The following RSRC1 variants were observed in gnomAD, a reference collection of about 807,000 sequenced individuals.
The protein encoded by RSRC1 is serine/Arginine-related protein 53.
Under a neutral mutation model 49.1 loss-of-function variants are expected in RSRC1, and 39 were observed. That is an observed-to-expected ratio of 0.79 (90% CI 0.61 to 1.04). The LOEUF (loss-of-function observed/expected upper bound fraction) is 1.04. RSRC1 is among the 50% of genes least tolerant of loss of function. The pLI is 0.00. For missense variants in RSRC1, 388 were observed against 402.4 expected, an observed-to-expected ratio of 0.96 and a Z score of 0.31; for synonymous variants, 143 against 130.8, an observed-to-expected ratio of 1.09 and a Z score of -0.63.
chr3:158,392,295 T>A (rs1306343987), intron 6 of RSRC1, among the ~76,000 whole-genome samples: 2 of 152,148 alleles, frequency 1.3e-5, no homozygotes, highest in African/African-American at 4.8e-5. Context: ...CTATTCTGTA[T>A]GTGCTAAAGA....
At chr3:158,487,946 CAAGAAA>C (rs1168599544) in intron 7 of RSRC1, among the ~76,000 whole-genome samples, 3 of 11,484 alleles carry the variant, frequency 2.6e-4, no homozygotes, top group South Asian at 4.3e-3. Context: ...GACTCCATCT[CAAGAAA>C]AAAAAAAAAA....
intron 6 of RSRC1, among the ~76,000 whole-genome samples, chr3:158,422,852 T>C (rs1413225059): frequency 2.6e-5 from 4 of 151,074 alleles, no homozygotes; most frequent in South Asian, 2.1e-4. Context: ...TTTCATGTGT[T>C]TTTTGGCTGC....
intron 5 of RSRC1, among the ~76,000 whole-genome samples, chr3:158,314,225 A>G (rs556000870): frequency 6.6e-6 from 1 of 152,108 alleles, no homozygotes; most frequent in Non-Finnish European, 1.5e-5. Flanking sequence ...TGAGTAGCTG[A>G]GATTACAGGT....
intron 7 of RSRC1, among the ~76,000 whole-genome samples, chr3:158,482,320 G>T (rs995893434): frequency 1.3e-5 from 2 of 152,004 alleles, no homozygotes; most frequent in African/African-American, 4.8e-5. Flanking sequence ...TTGCATTTAT[G>T]CATATTTTAA....
At chr3:158,388,856 G>T (rs113338360) in intron 6 of RSRC1, among the ~76,000 whole-genome samples, 27 of 152,098 alleles carry the variant, frequency 1.8e-4, no homozygotes, top group African/African-American at 6.5e-4. Context: ...TGATCCGCCC[G>T]CCTCGGCCTC....
At chr3:158,196,156 T>G (rs1720596830) in intron 3 of RSRC1, among the ~76,000 whole-genome samples, 1 of 121,452 alleles carries the variant, frequency 8.2e-6, no homozygotes, top group East Asian at 2.8e-4. Flanking sequence ...CATTTGTTTG[T>G]ATTCTCTTTT....
intron 4 of RSRC1, among the ~76,000 whole-genome samples, chr3:158,239,632 G>GT (rs1723453064): frequency 6.6e-6 from 1 of 152,028 alleles, no homozygotes; most frequent in Non-Finnish European, 1.5e-5. Flanking sequence ...TAAATGATGA[G>GT]TTAATGGGTA....
intron 1 of RSRC1, among the ~76,000 whole-genome samples, chr3:158,118,566 CAT>C (rs947402213): frequency 6.6e-6 from 1 of 152,120 alleles, no homozygotes; most frequent in African/African-American, 2.4e-5. Flanking sequence ...ATCATCCTGT[CAT>C]ATGCATCTGA....
intron 6 of RSRC1, among the ~76,000 whole-genome samples, chr3:158,452,375 T>C (rs2108391923): frequency 6.6e-6 from 1 of 152,302 alleles, no homozygotes; most frequent in Non-Finnish European, 1.5e-5. Context: ...CTCACACTGA[T>C]TTTTAAAACA....
At chr3:158,210,459 A>G (rs1369935155) in intron 4 of RSRC1, among the ~76,000 whole-genome samples, 2 of 149,404 alleles carry the variant, frequency 1.3e-5, no homozygotes, top group Admixed American at 6.7e-5. Flanking sequence ...CCTTTAACAC[A>G]TGTCATTATA....
intron 6 of RSRC1, among the ~76,000 whole-genome samples, chr3:158,398,514 G>T (rs1468292925): frequency 6.6e-6 from 1 of 152,062 alleles, no homozygotes; most frequent in African/African-American, 2.4e-5. Flanking sequence ...CATAAAGGTG[G>T]ATCCCTCATG....
intron 6 of RSRC1, among the ~76,000 whole-genome samples, chr3:158,392,305 A>G (rs1390819042): frequency 2.6e-5 from 4 of 152,110 alleles, no homozygotes; most frequent in Non-Finnish European, 5.9e-5. Flanking sequence ...TGTGCTAAAG[A>G]GTTATTAGAG....
chr3:158,141,752 A>G (rs1716761662), intron 3 of RSRC1, among the ~76,000 whole-genome samples: 2 of 152,180 alleles, frequency 1.3e-5, no homozygotes, highest in Admixed American at 1.3e-4. Context: ...TTTGTGAACC[A>G]TTATAGATTG....
intron 7 of RSRC1, among the ~76,000 whole-genome samples, chr3:158,507,599 A>G (rs1739917554): frequency 1.3e-5 from 2 of 152,198 alleles, no homozygotes; most frequent in Non-Finnish European, 2.9e-5. Context: ...AAAAAGCCTG[A>G]GTAGCAGCAT....
chr3:158,227,150 A>G (rs1048543954), intron 4 of RSRC1, among the ~76,000 whole-genome samples: 23 of 151,790 alleles, frequency 1.5e-4, no homozygotes, highest in Admixed American at 6.6e-5. Context: ...CCAATTTTCA[A>G]CTGCTTGGGG....
chr3:158,424,343 G>GT (rs1735275132), intron 6 of RSRC1, among the ~76,000 whole-genome samples: 1 of 151,902 alleles, frequency 6.6e-6, no homozygotes, highest in Non-Finnish European at 1.5e-5. Context: ...TAAACATGTG[G>GT]TTTTTGTCTT....
intron 7 of RSRC1, among the ~76,000 whole-genome samples, chr3:158,529,214 G>GTGTATATATATA (rs374368016): frequency 3.5e-5 from 5 of 143,126 alleles, no homozygotes; most frequent in East Asian, 2.0e-4. Flanking sequence ...ATGTGTGTGT[G>GTGTATATATATA]TATATATATA....
intron 6 of RSRC1, among the ~76,000 whole-genome samples, chr3:158,430,979 A>G (rs1735745904): frequency 6.6e-6 from 1 of 151,968 alleles, no homozygotes; most frequent in Non-Finnish European, 1.5e-5. Flanking sequence ...CCTTTTAAAG[A>G]GTCACAAGAC....
At chr3:158,437,854 A>G (rs536284786) in intron 6 of RSRC1, among the ~76,000 whole-genome samples, 2 of 152,160 alleles carry the variant, frequency 1.3e-5, no homozygotes, top group Non-Finnish European at 2.9e-5. Context: ...AGGGTATTCA[A>G]TTAGAAAAAG....
Sources: gnomAD v4.1 joint callset for allele counts (sites outside exome capture counted in the v4.1 genomes callset) on GRCh38, gnomAD v4.1.1 for gene constraint, MANE v1.5 for transcripts, NCBI Gene and HGNC (gene_info 2026-07-23, HGNC 2026-07-21) for gene names.